The following CDIN1 variants were observed in gnomAD, a reference collection of about 807,000 sequenced individuals.
CDIN1 encodes CDAN1 interacting nuclease 1, also known as CDAN1-interacting nuclease 1.
A neutral mutation model predicts 45.3 loss-of-function variants in CDIN1; 33 were observed. That is an observed-to-expected ratio of 0.73 (90% CI 0.55 to 0.97). The LOEUF is 0.97. CDIN1 is among the 50% of genes least tolerant of loss of function. The pLI is 0.00. For missense variants in CDIN1, 303 were observed against 339.4 expected (o/e 0.89, Z 0.84); for synonymous variants, 118 against 124.4 (o/e 0.95, Z 0.34).
At position 36,599,722 on chromosome 15, in the gene CDIN1, A is replaced by G. The variant is rs1409580940; in HGVS notation, c.101+19761A>G. 2.0e-5 allele frequency among the ~76,000 whole-genome samples: 3 copies of G among 152,206 alleles called. No homozygotes were observed. The East Asian group carries it at 5.8e-4, about 29-fold the overall frequency. On this transcript the variant is annotated intron_variant, in intron 1 of 10. Transcript: ENST00000566621. ...TGTGGGTTGGGGCAGGGATAAGAAG[A>G]AGGCATAAGAAAGGTGCAGGTCAGC...
intron 5 of CDIN1, among the ~76,000 whole-genome samples, chr15:36,682,250 A>C (rs2041876009): frequency 6.6e-6 from 1 of 152,166 alleles, no homozygotes; most frequent in Non-Finnish European, 1.5e-5. Context: ...GAAGGCCAGC[A>C]GGCTTGAGAC....
chr15:36,580,004 C>T, intron 1 of CDIN1, 43 bp downstream of exon 1: 4 of 1,567,376 alleles, frequency 2.6e-6, no homozygotes, highest in South Asian at 1.2e-5. Context: ...TTGCCTGCAG[C>T]AGCAGTGCCT....
intron 10 of CDIN1, among the ~76,000 whole-genome samples, chr15:36,742,829 A>C (rs2044286817): frequency 6.6e-6 from 1 of 152,238 alleles, no homozygotes; most frequent in Non-Finnish European, 1.5e-5. Flanking sequence ...AGCCTCAGTA[A>C]GCTCATGGTC....
intron 10 of CDIN1, among the ~76,000 whole-genome samples, chr15:36,760,944 G>A (rs1228384459): frequency 1.3e-5 from 2 of 152,126 alleles, no homozygotes; most frequent in Non-Finnish European, 2.9e-5. Flanking sequence ...TCAGCACCCT[G>A]GCCCAAGTCA....
Position 36,702,073 on chromosome 15 carries a change from C to T in CDIN1, c.544+4683C>T, listed in dbSNP as rs73381766. On this transcript the variant is annotated intron_variant, in intron 8 of 10. Transcript: ENST00000566621. ...TTAGAATACCAAGACTGTGTGTACA[C>T]GCAGATGTCAGTGGCAGAGAGTAAG... The T allele has an allele frequency of 5.8e-3, 4,099 of 702,128 alleles. 128 individuals carry two copies. In the African/African-American group the frequency reaches 0.065, roughly 11 times the overall value. The allele number at this position is 702,128 out of a possible 1,614,324, so 43.5% of individuals were successfully genotyped here.
At chr15:36,598,727 C>G (rs2037956229) in intron 1 of CDIN1, among the ~76,000 whole-genome samples, 1 of 151,982 alleles carries the variant, frequency 6.6e-6, no homozygotes, top group Admixed American at 6.6e-5. Flanking sequence ...CTTTTCCACC[C>G]TCTCCTTTTC....
intron 1 of CDIN1, among the ~76,000 whole-genome samples, chr15:36,613,270 A>G (rs1402483602): frequency 2.0e-5 from 3 of 152,144 alleles, no homozygotes; most frequent in Non-Finnish European, 2.9e-5. Flanking sequence ...GAATGAGAGG[A>G]GGAGGGTCAT....
chr15:36,722,472 C>T (rs1265419351), intron 10 of CDIN1, among the ~76,000 whole-genome samples: 1 of 152,118 alleles, frequency 6.6e-6, no homozygotes, highest in Non-Finnish European at 1.5e-5. Context: ...AATAAGCATA[C>T]GGTTGTTAGA....
intron 1 of CDIN1, chr15:36,627,132 C>A: frequency 5.2e-6 from 1 of 190,694 alleles, no homozygotes; most frequent in South Asian, 1.3e-4. Context: ...TTGTCCTTGC[C>A]CACCTCCATG....
intron 1 of CDIN1, among the ~76,000 whole-genome samples, chr15:36,620,490 C>G (rs959327564): frequency 6.6e-6 from 1 of 151,966 alleles, no homozygotes; most frequent in African/African-American, 2.4e-5. Context: ...TTTTTTCTTA[C>G]TCCATATGTT....
intron 10 of CDIN1, among the ~76,000 whole-genome samples, chr15:36,739,561 A>G (rs2044158930): frequency 6.6e-6 from 1 of 152,224 alleles, no homozygotes; most frequent in Admixed American, 6.5e-5. Context: ...GTATTGTTTT[A>G]TATGTTATCA....
chr15:36,657,904 A>G lies in CDIN1; in HGVS notation c.345A>G (p.Pro115=), dbSNP rs1219778575. The part of the protein sequence containing the change: ...ERFLQEHEET[P]PSKSIINSML... ...TTCTACAGGAACACGAGGAAACTCC[A>G]CGTGAGTTACCCTTTTTTCCTAATG... Residue 115 remains proline, a splice_region_variant and synonymous_variant, in exon 5 of 11, where the codon CCA becomes CCG. Transcript: ENST00000566621. 1.2e-6 allele frequency: 2 copies of G among 1,608,782 alleles called. No homozygotes were observed. Among genetic ancestry groups the G allele is most frequent in the Non-Finnish European group, 1.7e-6 (2 of 1,176,826 alleles).
chr15:36,687,658 GA>G (rs1566900436), intron 5 of CDIN1, among the ~76,000 whole-genome samples: 2 of 151,966 alleles, frequency 1.3e-5, no homozygotes, highest in Non-Finnish European at 2.9e-5. Flanking sequence ...ATTATAAGGA[GA>G]AACTGACAAC....
At chr15:36,613,688 G>C in intron 1 of CDIN1, 6 of 1,482,172 alleles carry the variant, frequency 4.0e-6, no homozygotes, top group Non-Finnish European at 5.6e-6. Flanking sequence ...CCTGGCTACT[G>C]CCCTGCAAAA....
chr15:36,754,287 A>G (rs2053550168), intron 10 of CDIN1, among the ~76,000 whole-genome samples: 1 of 151,924 alleles, frequency 6.6e-6, no homozygotes, highest in Non-Finnish European at 1.5e-5. Context: ...CTATTTCACT[A>G]CCCCCTGTCA....
intron 5 of CDIN1, among the ~76,000 whole-genome samples, chr15:36,662,598 TTGAG>T (rs1490020403): frequency 6.6e-6 from 1 of 152,144 alleles, no homozygotes; most frequent in African/African-American, 2.4e-5. Context: ...TGATTAGACT[TTGAG>T]TGGTCCCTTT....
At chr15:36,702,347 T>C (rs8034466) in intron 8 of CDIN1, among the ~76,000 whole-genome samples, 119,780 of 152,158 alleles carry the variant, frequency 0.79, 47,773 homozygotes, top group East Asian at 0.96. Flanking sequence ...TGCTTGTGCA[T>C]GCTTCTCCCT....
At chr15:36,794,563 T>C (rs1160152407) in intron 10 of CDIN1, among the ~76,000 whole-genome samples, 1 of 152,246 alleles carries the variant, frequency 6.6e-6, no homozygotes, top group Non-Finnish European at 1.5e-5. Context: ...CGTTTATGAC[T>C]GGCTTATTCC....
intron 10 of CDIN1, among the ~76,000 whole-genome samples, chr15:36,732,968 G>T (rs1402964656): frequency 2.6e-5 from 4 of 151,854 alleles, no homozygotes; most frequent in African/African-American, 9.7e-5. Context: ...AAGAAAATGG[G>T]TAAGAAATTC....
Sources: gnomAD v4.1 joint callset for allele counts (sites outside exome capture counted in the v4.1 genomes callset) on GRCh38, gnomAD v4.1.1 for gene constraint, MANE v1.5 for transcripts, NCBI Gene and HGNC (gene_info 2026-07-23, HGNC 2026-07-21) for gene names.